The following EPB41L5 variants were observed in gnomAD, a reference collection of about 807,000 sequenced individuals.
EPB41L5 encodes the protein erythrocyte membrane protein band 4.1 like 5, also known as band 4.1-like protein 5.
In EPB41L5, 55 loss-of-function variants were observed where a neutral mutation model predicts 106.6. The observed-to-expected ratio is 0.52, with a 90% CI of 0.42 to 0.65. The LOEUF is 0.65. Ranked by LOEUF, EPB41L5 falls within the 30% of genes least tolerant of loss-of-function variation. The pLI is 0.00. For missense variants in EPB41L5, 871 were observed against 882.1 expected (o/e 0.99, Z 0.16); for synonymous variants, 297 against 306.7 (o/e 0.97, Z 0.33).
intron 2 of EPB41L5, among the ~76,000 whole-genome samples, chr2:120,038,250 C>G (rs1413332226): frequency 2.0e-5 from 3 of 152,072 alleles, no homozygotes; most frequent in Non-Finnish European, 2.9e-5. Context: ...ATATAAATGG[C>G]TAATAAGCAC....
At position 120,100,698 on chromosome 2, in the gene EPB41L5, G is replaced by A; in HGVS notation, c.1222-1G>A. 1 of 1,612,422 alleles carries A rather than the reference G, an allele frequency of 6.2e-7. No homozygotes were observed. Among genetic ancestry groups the A allele is most frequent in the East Asian group, 2.2e-5 (1 of 44,842 alleles). On this transcript the variant is annotated splice_acceptor_variant, in intron 15 of 24. Transcript: ENST00000263713. LOFTEE classifies it high-confidence loss of function. ...ATAATTTTTATAATTTTTGTCCAAAGGCTTGGGGGATGAGATCTGCTCTGC... is the reference window on the plus strand; with the variant it reads ...ATAATTTTTATAATTTTTGTCCAAAAGCTTGGGGGATGAGATCTGCTCTGC...
chr2:120,096,136 A>G (rs547846084), intron 14 of EPB41L5, among the ~76,000 whole-genome samples: 12 of 151,908 alleles, frequency 7.9e-5, no homozygotes, highest in Non-Finnish European at 1.8e-4. Context: ...GTACTCTTAT[A>G]TGGCAGTTGT....
chr2:120,141,985 A>C (rs1686191634), intron 18 of EPB41L5, among the ~76,000 whole-genome samples: 1 of 151,994 alleles, frequency 6.6e-6, no homozygotes, highest in African/African-American at 2.4e-5. Context: ...CCACCTCTTG[A>C]AGTATTTTGG....
chr2:120,074,163 G>T lies in EPB41L5; in HGVS notation c.392G>T (p.Arg131Leu). 1 of 1,611,042 alleles carries T rather than the reference G, an allele frequency of 6.2e-7. No individual in the cohort carries two copies. Among genetic ancestry groups the T allele is most frequent in the Non-Finnish European group, 8.5e-7 (1 of 1,178,432 alleles). ...TATTCCTCAGAACCAAATAACCTTC[G>T]TGAGGAGCTAACCCGGTAAGAACAC... Reference protein sequence around the residue: ...KFYSSEPNNLREELTRYLFVL... With the variant: ...KFYSSEPNNLLEELTRYLFVL... The change falls in exon 5 of 25, where the codon CGT (arginine) becomes CTT (leucine). Residue 131 changes from arginine to leucine, a missense_variant. By Grantham distance (102) the Arg-to-Leu change is moderately radical. Transcript: ENST00000263713.
chr2:120,076,222 T>C (rs1338348494), intron 7 of EPB41L5, among the ~76,000 whole-genome samples: 1 of 152,176 alleles, frequency 6.6e-6, no homozygotes, highest in Non-Finnish European at 1.5e-5. Context: ...GTTATTTCTT[T>C]AGGATTAATA....
rs186432282 is a variant in EPB41L5, at chr2:120,140,106, C to T, written c.1600-2897C>T. Among the ~76,000 whole-genome samples the T allele has an allele frequency of 4.0e-5, 6 of 151,870 alleles. No homozygotes were observed. The East Asian group carries it at 9.7e-4, about 24-fold the overall frequency. The stretch of plus-strand genomic sequence containing the variant: ...GTTCTCATTTATGGGAGCCAAAAAA[C>T]GAAGAATTAAACTTGCGGAGATAGA... On this transcript the variant is annotated intron_variant, in intron 18 of 24. Coordinates refer to ENST00000263713, the MANE Select transcript of EPB41L5 (RefSeq NM_020909.4).
chr2:120,076,147 T>C (rs1362021371), intron 7 of EPB41L5, among the ~76,000 whole-genome samples: 1 of 152,220 alleles, frequency 6.6e-6, no homozygotes, highest in African/African-American at 2.4e-5. Context: ...AGTACATACA[T>C]GTTTGTGCAT....
chr2:120,117,726 C>G (rs901000714), intron 16 of EPB41L5, among the ~76,000 whole-genome samples: 1 of 152,256 alleles, frequency 6.6e-6, no homozygotes, highest in East Asian at 1.9e-4. Flanking sequence ...AAACCAACAC[C>G]ATAATCAAGA....
At chr2:120,083,526 T>C (rs1252344136) in intron 10 of EPB41L5, among the ~76,000 whole-genome samples, 4 of 152,186 alleles carry the variant, frequency 2.6e-5, no homozygotes, top group Non-Finnish European at 5.9e-5. Context: ...CTTCCAACTA[T>C]GTGGTCAGTT....
At chr2:120,063,340 CAAA>C (rs1174086865) in intron 3 of EPB41L5, among the ~76,000 whole-genome samples, 2 of 56,052 alleles carry the variant, frequency 3.6e-5, no homozygotes, top group Non-Finnish European at 3.8e-5. Context: ...GACTTTGTCT[CAAA>C]AAAAAAAAAA....
chr2:120,126,773 T>A (rs1685474957), intron 16 of EPB41L5, among the ~76,000 whole-genome samples: 1 of 152,200 alleles, frequency 6.6e-6, no homozygotes, highest in Non-Finnish European at 1.5e-5. Context: ...GCTTTGGCTT[T>A]CATAAATCTT....
intron 4 of EPB41L5, 112 bp from the exon 5 acceptor site, chr2:120,073,988 T>A (rs1682056640): frequency 5.1e-6 from 4 of 778,940 alleles, no homozygotes; most frequent in Non-Finnish European, 8.2e-6. Context: ...AATAATGCCA[T>A]AAAAACCTCA....
At chr2:120,172,826 T>C (rs1380219679) in intron 24 of EPB41L5, among the ~76,000 whole-genome samples, 1 of 151,832 alleles carries the variant, frequency 6.6e-6, no homozygotes, top group Non-Finnish European at 1.5e-5. Flanking sequence ...GGATATAGAG[T>C]TGCAGAAAGG....
In EPB41L5 at chr2:120,114,854, CTT is replaced by C. The variant is rs1684878337; in HGVS notation, c.1338-12833_1338-12832del. ...GTTTATTTATTGATCAGAAGATAAA[CTT>C]ATCTAGTTTTTCTGCTCATAAAGTG... On this transcript the variant is annotated intron_variant, in intron 16 of 24. Coordinates refer to ENST00000263713, the MANE Select transcript of EPB41L5 (RefSeq NM_020909.4). Among the ~76,000 whole-genome samples, 5 of 152,104 alleles carry C rather than the reference CTT, an allele frequency of 3.3e-5. No individual in the cohort carries two copies. The South Asian group carries it at 1.0e-3, about 32-fold the overall frequency.
At chr2:120,028,182 T>A (rs531464020) in intron 2 of EPB41L5, among the ~76,000 whole-genome samples, 51 of 151,990 alleles carry the variant, frequency 3.4e-4, no homozygotes, top group Non-Finnish European at 4.3e-4. Flanking sequence ...TTTTTTTTTT[T>A]AAAAAGAATG....
At chr2:120,022,574 G>T (rs971626687) in intron 2 of EPB41L5, among the ~76,000 whole-genome samples, 1 of 152,124 alleles carries the variant, frequency 6.6e-6, no homozygotes, top group African/African-American at 2.4e-5. Flanking sequence ...TCTTTATCCA[G>T]TCTATCATTG....
chr2:120,130,423 A>T (rs976952631), intron 17 of EPB41L5, among the ~76,000 whole-genome samples: 1 of 152,240 alleles, frequency 6.6e-6, no homozygotes, highest in Non-Finnish European at 1.5e-5. Flanking sequence ...CCTGATTCAC[A>T]TAGGTAAATA....
intron 20 of EPB41L5, among the ~76,000 whole-genome samples, chr2:120,160,238 T>G (rs1433564184): frequency 6.6e-6 from 1 of 152,244 alleles, no homozygotes; most frequent in Non-Finnish European, 1.5e-5. Flanking sequence ...CTTTTCGGCT[T>G]CAAAGTTAAT....
At chr2:120,160,611 C>T (rs1333079758) in intron 20 of EPB41L5, 1 of 320,682 alleles carries the variant, frequency 3.1e-6, no homozygotes, top group Non-Finnish European at 5.7e-6. Flanking sequence ...AATTTACATT[C>T]CCACCAGCAG....
Sources: allele counts gnomAD v4.1 joint callset (sites outside exome capture counted in the v4.1 genomes callset), GRCh38; gene constraint gnomAD v4.1.1; transcripts MANE v1.5; gene names NCBI Gene and HGNC (gene_info 2026-07-23, HGNC 2026-07-21).